The following PHKG2 variants were observed in gnomAD, a reference collection of about 807,000 sequenced individuals.
PHKG2 encodes phosphorylase kinase catalytic subunit gamma 2.
Under a neutral mutation model 44.5 loss-of-function variants are expected in PHKG2, and 28 were observed. That is an observed-to-expected ratio of 0.63 (90% CI 0.47 to 0.86). The LOEUF (loss-of-function observed/expected upper bound fraction) is 0.86, where lower values mean the gene tolerates loss of function less well. PHKG2 is among the 40% of genes least tolerant of loss of function. The pLI, the probability that PHKG2 is intolerant of heterozygous loss-of-function variation, is 0.00. For synonymous variants in PHKG2, 220 were observed against 211.2 expected (o/e 1.04, Z -0.36); for missense variants, 498 against 547.5 (o/e 0.91, Z 0.90).
rs761204117 is a variant in PHKG2 at position 30,760,321 on chromosome 16, A to G, written c.*3224A>G. The G allele has an allele frequency of 9.3e-6, 15 of 1,614,086 alleles. No individual in the cohort carries two copies. The highest frequency in any genetic ancestry group is 1.3e-5 in the Non-Finnish European group (15 of 1,180,038). Reference sequence around the variant, plus strand: ...TGTGAAGATCCTGGAGCAGGGCACAAGCCGCTGACGTCTGCTCCAGTGAGA... The same window carrying G: ...TGTGAAGATCCTGGAGCAGGGCACAGGCCGCTGACGTCTGCTCCAGTGAGA... On this transcript the variant is annotated 3_prime_UTR_variant, in exon 10 of 10. Coordinates refer to ENST00000563588, the MANE Select transcript of PHKG2 (RefSeq NM_000294.3).
chr16:30,759,088 G>A lies in PHKG2; in HGVS notation c.*1991G>A. 1 of 1,614,126 alleles carries A rather than the reference G, an allele frequency of 6.2e-7. No individual in the cohort carries two copies. The highest frequency in any genetic ancestry group is 1.1e-5 in the South Asian group (1 of 91,084). ...TAACTGCCTGCTCCTCCATCTCCTT[G>A]CTTTCTTCTTTCTCTGCAAACCAGA... On this transcript the variant is annotated 3_prime_UTR_variant, in exon 10 of 10. Transcript: ENST00000563588.
At chr16:30,756,056 G>T (rs2053420300) in intron 6 of PHKG2, 126 bp from the exon 7 acceptor site, 1 of 822,966 alleles carries the variant, frequency 1.2e-6, no homozygotes, top group Non-Finnish European at 2.2e-6. Context: ...TTGGCAGAAG[G>T]CAGACAGAAG....
chr16:30,754,983 G>A, intron 6 of PHKG2: 1 of 444,950 alleles, frequency 2.2e-6, no homozygotes, highest in South Asian at 1.6e-5. Context: ...AACAAAGTCA[G>A]TTTCAATTCG....
intron 4 of PHKG2, 189 bp downstream of exon 4, chr16:30,751,792 ATTCT>A (rs2053348722): frequency 1.4e-6 from 1 of 708,548 alleles, no homozygotes; most frequent in East Asian, 2.6e-5. Context: ...ATTGAGGCAA[ATTCT>A]TTAATAGTGA....
rs1567259456 is a variant in PHKG2, at chr16:30,749,082, GTGGTGGTGCTGCTGCTGC to G, written c.95+170_95+187del. Among the ~76,000 whole-genome samples the G allele has an allele frequency of 1.5e-3, 43 of 28,730 alleles. 9 individuals are homozygous for G. Among genetic ancestry groups the G allele is most frequent in the Middle Eastern group, 0.016 (1 of 64 alleles). 18.8% of individuals were successfully genotyped at this position (28,730 alleles called of 152,430 possible). A position where few individuals can be genotyped will look rare whatever the true frequency, so the allele number is the denominator to read the frequency against. On this transcript the variant is annotated intron_variant, in intron 2 of 9. Transcript: ENST00000563588. ...GGTGGTGGTGGTGGTGGTGGTGGTG[GTGGTGGTGCTGCTGCTGC>G]TGCTGCTGCTGGTGGTGCTGGTGCT...
In PHKG2 at chr16:30,756,333, A is replaced by C. The variant is rs562893484; in HGVS notation, c.648-34A>C. On this transcript the variant is annotated intron_variant, in intron 7 of 9. Transcript: ENST00000563588. ...CTGTCCTTTGCTGGGTCTGCCCGTC[A>C]CCTAGTCCCGCCTGACTCCAGTCTC... The C allele has an allele frequency of 1.0e-4, 162 of 1,613,948 alleles. No individual in the cohort carries two copies. In the African/African-American group the frequency reaches 2.0e-3, roughly 20 times the overall value.
intron 6 of PHKG2, among the ~76,000 whole-genome samples, chr16:30,754,329 C>G (rs2151308695): frequency 6.6e-6 from 1 of 152,212 alleles, no homozygotes; most frequent in East Asian, 1.9e-4. Flanking sequence ...CTACGCCTGG[C>G]TCATTTTTGT....
rs199642391 is a variant in PHKG2, at chr16:30,756,746, G to A, written c.927+31G>A. Reference sequence around the variant, plus strand: ...CCTGAGTGTATCAGGGTCTGGGCCCGTTTCTCTGTCCCATGATCTTTCCCC... The same window carrying A: ...CCTGAGTGTATCAGGGTCTGGGCCCATTTCTCTGTCCCATGATCTTTCCCC... On this transcript the variant is annotated intron_variant, in intron 9 of 9. Transcript: ENST00000563588. The A allele has an allele frequency of 1.2e-5, 19 of 1,614,010 alleles. No individual in the cohort carries two copies. The East Asian group carries it at 2.0e-4, about 17-fold the overall frequency.
chr16:30,750,986 C>G, intron 2 of PHKG2, 120 bp from the exon 3 acceptor site: 1 of 1,039,828 alleles, frequency 9.6e-7, no homozygotes, highest in Non-Finnish European at 1.5e-6. Context: ...AGCTTGTTGC[C>G]CTGTGATCCA....
In PHKG2 at chr16:30,751,104, A is replaced by G; in HGVS notation, c.96-2A>G. ...ACTTGTGCTATTTTCCGGCTCTTGC[A>G]GAGGAGTGAGCTCTGTGGTCCGCCG... On this transcript the variant is annotated splice_acceptor_variant, in intron 2 of 9. Coordinates refer to ENST00000563588, the MANE Select transcript of PHKG2 (RefSeq NM_000294.3). LOFTEE classifies it high-confidence loss of function. The G allele has an allele frequency of 6.2e-7, 1 of 1,613,408 alleles. No homozygotes were observed. The highest frequency in any genetic ancestry group is 8.5e-7 in the Non-Finnish European group (1 of 1,179,990).
At chr16:30,756,145 T>A in intron 6 of PHKG2, 37 bp from the exon 7 acceptor site, 5 of 1,504,040 alleles carry the variant, frequency 3.3e-6, no homozygotes, top group Non-Finnish European at 4.6e-6. Flanking sequence ...CTAGAGGGGC[T>A]GGTGGCATCC....
Position 30,749,106 on chromosome 16 carries a change from C to CTGGTGCTGCTGG in PHKG2, c.95+193_95+194insGTGCTGCTGGTG, listed in dbSNP as rs1451638959. On this transcript the variant is annotated intron_variant, in intron 2 of 9. Coordinates refer to ENST00000563588, the MANE Select transcript of PHKG2 (RefSeq NM_000294.3). ...GGTGGTGGTGCTGCTGCTGCTGCTG[C>CTGGTGCTGCTGG]TGCTGGTGGTGCTGGTGCTGGTGGT... Among the ~76,000 whole-genome samples, 9 of 50,524 alleles carry CTGGTGCTGCTGG rather than the reference C, an allele frequency of 1.8e-4. 1 individual carries two copies. Among genetic ancestry groups the CTGGTGCTGCTGG allele is most frequent in the African/African-American group, 1.2e-3 (9 of 7,782 alleles). The allele number at this position is 50,524 out of a possible 152,430, so 33.1% of individuals were successfully genotyped here. A position where few individuals can be genotyped will look rare whatever the true frequency, so the allele number is the denominator to read the frequency against.
Position 30,756,898 on chromosome 16 carries a change from A to G in PHKG2, c.1022A>G (p.Tyr341Cys). The change falls in exon 10 of 10, where the codon TAT (tyrosine) becomes TGT (cysteine). Residue 341 changes from tyrosine (Y) to cysteine (C), a missense_variant. By Grantham distance (194) the Tyr-to-Cys change is radical. Coordinates refer to ENST00000563588, the MANE Select transcript of PHKG2 (RefSeq NM_000294.3). ...AAGAATGCACTGTTGAGGGACCCTT[A>G]TGCGCTGCGGTCAGTGCGGCACCTC... ...LTKNALLRDP[Y>C]ALRSVRHLID... 2 of 1,614,088 alleles carry G rather than the reference A, an allele frequency of 1.2e-6. No individual in the cohort carries two copies. The highest frequency in any genetic ancestry group is 1.7e-6 in the Non-Finnish European group (2 of 1,180,002).
intron 2 of PHKG2, among the ~76,000 whole-genome samples, chr16:30,749,175 GTGGTGGTGC>G (rs2053307480): frequency 1.4e-5 from 2 of 146,342 alleles, no homozygotes; most frequent in South Asian, 2.6e-4. Flanking sequence ...GGTGGTGCTG[GTGGTGGTGC>G]TGGTGGTGGT....
chr16:30,753,372 C>T lies in PHKG2; in HGVS notation c.393-22C>T, dbSNP rs371900227. 2.5e-6 allele frequency: 4 copies of T among 1,613,630 alleles called. No individual in the cohort carries two copies. In the African/African-American group the frequency reaches 4.0e-5, roughly 16 times the overall value. On this transcript the variant is annotated intron_variant, in intron 5 of 9. Coordinates refer to ENST00000563588, the MANE Select transcript of PHKG2 (RefSeq NM_000294.3). Reference sequence around the variant, plus strand: ...CAGGGAGGAGCCGAGGAGGAGACTGCACCCGCCTCCCCTTCCCCCAGGTCC... The same window carrying T: ...CAGGGAGGAGCCGAGGAGGAGACTGTACCCGCCTCCCCTTCCCCCAGGTCC...
intron 4 of PHKG2, among the ~76,000 whole-genome samples, chr16:30,752,148 G>C (rs1011200947): frequency 9.3e-6 from 1 of 108,046 alleles, no homozygotes; most frequent in African/African-American, 3.6e-5. Flanking sequence ...TGTAATCCCA[G>C]CATTTTGGGA....
chr16:30,757,505 G>A lies in PHKG2; in HGVS notation c.*408G>A. The A allele has an allele frequency of 6.2e-7, 1 of 1,614,128 alleles. No individual in the cohort carries two copies. The highest frequency in any genetic ancestry group is 8.5e-7 in the Non-Finnish European group (1 of 1,179,986). ...TTGGTCTTGCTCTTGCCTTTACCCG[G>A]AGGTAGCTGGAAGGGCCGCTCTAGT... On this transcript the variant is annotated 3_prime_UTR_variant, in exon 10 of 10. Transcript: ENST00000563588.
chr16:30,752,504 A>G (rs1158103696), intron 4 of PHKG2: 1 of 152,832 alleles, frequency 6.5e-6, no homozygotes, highest in East Asian at 1.9e-4. Context: ...GTCTCTGCCC[A>G]TCAGTTCTTT....
chr16:30,760,738 G>T lies in PHKG2; in HGVS notation c.*3641G>T. 1 of 1,410,476 alleles carries T rather than the reference G, an allele frequency of 7.1e-7. No individual in the cohort carries two copies. Among genetic ancestry groups the T allele is most frequent in the Non-Finnish European group, 9.8e-7 (1 of 1,020,626 alleles). The allele number at this position is 1,410,476 out of a possible 1,614,324, so 87.4% of individuals were successfully genotyped here. The stretch of plus-strand genomic sequence containing the variant: ...ATGACAAGGCTGTGACAGCTAGTGC[G>T]TGAGACTGGGAGTTGGCCACCGGCG... On this transcript the variant is annotated 3_prime_UTR_variant, in exon 10 of 10. Coordinates refer to ENST00000563588, the MANE Select transcript of PHKG2 (RefSeq NM_000294.3).
Sources: allele counts gnomAD v4.1 joint callset (sites outside exome capture counted in the v4.1 genomes callset), GRCh38; gene constraint gnomAD v4.1.1; transcripts MANE v1.5; gene names NCBI Gene and HGNC (gene_info 2026-07-23, HGNC 2026-07-21).